The following NR6A1 variants were observed in gnomAD, a reference collection of about 807,000 sequenced individuals.
NR6A1 encodes the protein nuclear receptor subfamily 6 group A member 1, also known as retinoic acid receptor-related testis-associated receptor.
NR6A1 carries 7 observed loss-of-function variants against 59.1 expected under a neutral mutation model. The ratio of observed to expected loss-of-function variants is 0.12; its 90% CI spans 0.07 to 0.22. The LOEUF (loss-of-function observed/expected upper bound fraction) is 0.22. Among genes scored for constraint, NR6A1 ranks in the 10% least tolerant of loss-of-function variants. NR6A1 has a pLI of 1.00. For synonymous variants in NR6A1, 243 were observed against 236.1 expected (o/e 1.03, Z -0.27); for missense variants, 468 against 611.6 (o/e 0.77, Z 2.48).
At chr9:124,665,010 C>CAAAAAAA (rs59451556) in intron 2 of NR6A1, among the ~76,000 whole-genome samples, 1 of 13,740 alleles carries the variant, frequency 7.3e-5, no homozygotes, top group Non-Finnish European at 2.4e-4. Context: ...CTTGTATCTC[C>CAAAAAAA]AAAAAAAAAA....
At chr9:124,589,862 C>A (rs921578621) in intron 2 of NR6A1, among the ~76,000 whole-genome samples, 27 of 151,976 alleles carry the variant, frequency 1.8e-4, no homozygotes, top group Admixed American at 5.2e-4. Flanking sequence ...GTCAAGAGAT[C>A]GAGACCATCC....
At chr9:124,535,297 G>T (rs1833222759) in intron 7 of NR6A1, among the ~76,000 whole-genome samples, 1 of 151,654 alleles carries the variant, frequency 6.6e-6, no homozygotes, top group South Asian at 2.1e-4. Flanking sequence ...ATAAAGATCA[G>T]CTGGGTGCAG....
chr9:124,574,888 C>T (rs1237191743), intron 2 of NR6A1, among the ~76,000 whole-genome samples: 2 of 152,210 alleles, frequency 1.3e-5, no homozygotes, highest in African/African-American at 4.8e-5. Context: ...CACTCTACAA[C>T]TGCATAAAAG....
intron 2 of NR6A1, among the ~76,000 whole-genome samples, chr9:124,721,847 G>C (rs1839573236): frequency 6.6e-6 from 1 of 151,932 alleles, no homozygotes; most frequent in Non-Finnish European, 1.5e-5. Context: ...CTAGAGACAG[G>C]ATAGAAATTA....
chr9:124,554,190 G>C, intron 3 of NR6A1, 138 bp downstream of exon 3: 3 of 1,314,886 alleles, frequency 2.3e-6, no homozygotes, highest in Non-Finnish European at 3.1e-6. Flanking sequence ...AGGCAAGAAT[G>C]GTTCATTTTT....
intron 2 of NR6A1, among the ~76,000 whole-genome samples, chr9:124,722,416 T>C (rs1432400675): frequency 1.3e-5 from 2 of 152,188 alleles, no homozygotes; most frequent in East Asian, 1.9e-4. Context: ...TTGTGACACA[T>C]AGTTTGACAA....
chr9:124,659,533 T>C (rs1389167286), intron 2 of NR6A1, among the ~76,000 whole-genome samples: 1 of 152,170 alleles, frequency 6.6e-6, no homozygotes, highest in Admixed American at 6.5e-5. Flanking sequence ...AATTTTTTAG[T>C]GATCTGGAAT....
chr9:124,550,054 A>G (rs1833723832), intron 3 of NR6A1, among the ~76,000 whole-genome samples: 1 of 152,080 alleles, frequency 6.6e-6, no homozygotes, highest in African/African-American at 2.4e-5. Flanking sequence ...ATGTCCCTCA[A>G]TATGGGCTTG....
chr9:124,729,949 A>G (rs1345168423), intron 2 of NR6A1, among the ~76,000 whole-genome samples: 1 of 151,790 alleles, frequency 6.6e-6, no homozygotes, highest in Admixed American at 6.6e-5. Context: ...AGTAGCTGGG[A>G]TTACAGGCAT....
chr9:124,565,695 T>C (rs1193451971), intron 2 of NR6A1, among the ~76,000 whole-genome samples: 1 of 152,206 alleles, frequency 6.6e-6, no homozygotes, highest in Non-Finnish European at 1.5e-5. Context: ...CAAAGGAGGT[T>C]AAGCCACATA....
chr9:124,643,600 C>CAAA, intron 2 of NR6A1, among the ~76,000 whole-genome samples: 1 of 93,380 alleles, frequency 1.1e-5, no homozygotes, highest in Admixed American at 1.2e-4. Context: ...GACCCAATCT[C>CAAA]AAAAAAAAAA....
chr9:124,598,748 CT>C, intron 2 of NR6A1: 2 of 944,312 alleles, frequency 2.1e-6, no homozygotes, highest in Non-Finnish European at 1.7e-6. Flanking sequence ...CTCCCTTCTC[CT>C]TCACCGAAAG....
intron 3 of NR6A1, among the ~76,000 whole-genome samples, chr9:124,548,981 T>C (rs1425413542): frequency 2.0e-5 from 3 of 152,062 alleles, no homozygotes; most frequent in African/African-American, 7.2e-5. Flanking sequence ...TACTGAGTTA[T>C]TTGCTGAAGG....
At chr9:124,585,507 G>T (rs1382568056) in intron 2 of NR6A1, among the ~76,000 whole-genome samples, 6 of 125,456 alleles carry the variant, frequency 4.8e-5, no homozygotes, top group Non-Finnish European at 9.5e-5. Context: ...TCACGCCACT[G>T]CACTCCAGCC....
At chr9:124,570,678 C>G (rs1229392562) in intron 2 of NR6A1, among the ~76,000 whole-genome samples, 1 of 112,066 alleles carries the variant, frequency 8.9e-6, no homozygotes, top group Non-Finnish European at 1.6e-5. Flanking sequence ...TTGGAGAAAT[C>G]TATTATTTGT....
chr9:124,727,242 T>A lies in NR6A1; in HGVS notation c.142+6066A>T, dbSNP rs1564256105. On this transcript the variant is annotated intron_variant, in intron 2 of 9. Transcript: ENST00000487099. The stretch of plus-strand genomic sequence containing the variant: ...GCAATGGAAAATGTTTAGTAGCTTG[T>A]GGGAAAAAACCCAAAAAGTTTTACA... 2.0e-5 allele frequency among the ~76,000 whole-genome samples: 3 copies of A among 152,220 alleles called. No individual in the cohort carries two copies. The South Asian group carries it at 6.2e-4, about 31-fold the overall frequency.
rs538213451 is a variant in NR6A1, at chr9:124,526,747, C to T, written c.1201+32G>A. On this transcript the variant is annotated intron_variant, in intron 8 of 9. Transcript: ENST00000487099. ...TGCTCACTGCCTGCCTCCCGCACTG[C>T]AAACGTCCCTTTTCCCACCCCAGCC... 30 of 1,610,526 alleles carry T rather than the reference C, an allele frequency of 1.9e-5. No homozygotes were observed. The South Asian group carries it at 3.1e-4, about 17-fold the overall frequency.
intron 1 of NR6A1, among the ~76,000 whole-genome samples, chr9:124,751,645 A>G (rs1367264597): frequency 6.6e-6 from 1 of 152,232 alleles, no homozygotes; most frequent in Non-Finnish European, 1.5e-5. Context: ...CATACACTAC[A>G]TGAGTCTGGT....
Position 124,562,319 on chromosome 9 carries a change from T to C in NR6A1, c.143-7749A>G, listed in dbSNP as rs570987131. On this transcript the variant is annotated intron_variant, in intron 2 of 9. Coordinates refer to ENST00000487099, the MANE Select transcript of NR6A1 (RefSeq NM_033334.4). ...AATTTTATTCCTGCAAAATATTCTA[T>C]ATATTGCTGGTTACCATAACTAAAC... Among the ~76,000 whole-genome samples the C allele has an allele frequency of 4.5e-4, 68 of 152,330 alleles. 1 individual carries two copies. The highest frequency in any genetic ancestry group is 1.6e-3 in the African/African-American group (67 of 41,564).
Sources: gnomAD v4.1 joint callset for allele counts (sites outside exome capture counted in the v4.1 genomes callset) on GRCh38, gnomAD v4.1.1 for gene constraint, MANE v1.5 for transcripts, NCBI Gene and HGNC (gene_info 2026-07-23, HGNC 2026-07-21) for gene names.